PCSK7: variants seen among roughly 807,000 people sequenced by gnomAD.
PCSK7 encodes proprotein convertase subtilisin/kexin type 7.
A neutral mutation model predicts 73.3 loss-of-function variants in PCSK7; 38 were observed. The observed-to-expected ratio is 0.52, with a 90% CI of 0.40 to 0.68. PCSK7 has a LOEUF of 0.68. Among genes scored for constraint, PCSK7 ranks in the 30% least tolerant of loss-of-function variants. The pLI, the probability that PCSK7 is intolerant of heterozygous loss-of-function variation, is 0.00. For synonymous variants in PCSK7, 296 were observed against 383.8 expected, an observed-to-expected ratio of 0.77 and a Z score of 2.68; for missense variants, 692 against 991.5, an observed-to-expected ratio of 0.70 and a Z score of 4.06.
intron 12 of PCSK7, chr11:117,211,331 G>C (rs1171380336): frequency 6.6e-6 from 1 of 152,016 alleles, no homozygotes; most frequent in Non-Finnish European, 1.5e-5. Context: ...GGCTGGTCTC[G>C]AACTCCTGAC....
At chr11:117,227,432 T>G (rs982811957) in intron 4 of PCSK7, 110 bp from the exon 5 acceptor site, 1 of 819,600 alleles carries the variant, frequency 1.2e-6, no homozygotes, top group Non-Finnish European at 2.1e-6. Flanking sequence ...GCTAGGGCGA[T>G]AAGCTCATTT....
intron 3 of PCSK7, among the ~76,000 whole-genome samples, 159 bp from the exon 4 acceptor site, chr11:117,228,509 G>A (rs932611205): frequency 1.3e-5 from 2 of 152,154 alleles, no homozygotes; most frequent in African/African-American, 2.4e-5. Flanking sequence ...GGAGGAGCAG[G>A]TGAGAGCTCT....
At chr11:117,211,902 T>C (rs1480847550) in intron 12 of PCSK7, 2 of 152,250 alleles carry the variant, frequency 1.3e-5, no homozygotes, top group Non-Finnish European at 2.9e-5. Flanking sequence ...TTCATAGGTT[T>C]GAGACGAGGA....
intron 6 of PCSK7, chr11:117,225,584 G>T (rs566545608): frequency 1.6e-5 from 5 of 309,156 alleles, no homozygotes; most frequent in Non-Finnish European, 2.5e-5. Context: ...TGCCCTGAAG[G>T]TGCAGTGCAT....
chr11:117,218,560 T>C lies in PCSK7; in HGVS notation c.1440A>G (p.Thr480=), dbSNP rs1328307343. The change falls in exon 12 of 17, where the codon ACA becomes ACG. Residue 480 remains threonine, a synonymous_variant. Transcript: ENST00000320934. The surrounding 1 kb of genome is among the most constrained non-coding windows in gnomAD (Gnocchi z 4.0). ...WRLVNAAKIW[T]SVPYLASYVS... is the part of the protein sequence containing the mutation. The stretch of plus-strand genomic sequence containing the variant: ...CGTAGGATGCTAAGTAAGGGACAGA[T>C]GTCCAGATCTATGAAAGGAAAGGAG... The C allele has an allele frequency of 6.3e-7, 1 of 1,585,814 alleles. No individual in the cohort carries two copies. The highest frequency in any genetic ancestry group is 1.4e-5 in the African/African-American group (1 of 73,642).
chr11:117,229,730 C>T lies in PCSK7; in HGVS notation c.115G>A (p.Ala39Thr), dbSNP rs967828985. Residue 39 changes from alanine to threonine, a missense_variant, in exon 3 of 17, where the codon GCA (alanine) becomes ACA (threonine). By Grantham distance (58) the Ala-to-Thr change is moderately conservative. Around this residue, in one of 6 missense-constraint regions of PCSK7, gnomAD observed 574 missense variants for 689.8 expected, o/e 0.83. Transcript: ENST00000320934. Reference sequence around the variant, plus strand: ...TGGCCATCAGGCCCACCTGTCCCTGCCAGGCCCATGACCCAGGGAACCAGT... The same window carrying T: ...TGGCCATCAGGCCCACCTGTCCCTGTCAGGCCCATGACCCAGGGAACCAGT... ...FLLVPWVMGL[A>T]GTGGPDGQGT... 6.2e-7 allele frequency: 1 copy of T among 1,613,976 alleles called. No individual in the cohort carries two copies. Among genetic ancestry groups the T allele is most frequent in the African/African-American group, 1.3e-5 (1 of 75,070 alleles).
Position 117,226,000 on chromosome 11 carries a change from G to C in PCSK7, c.791C>G (p.Pro264Arg), listed in dbSNP as rs772550724. 6.2e-7 allele frequency: 1 copy of C among 1,608,060 alleles called. No homozygotes were observed. The highest frequency in any genetic ancestry group is 8.5e-7 in the Non-Finnish European group (1 of 1,174,472). Reference protein sequence around the residue: ...RIAGIRVLDGPLTDSMEAVAF... With the variant: ...RIAGIRVLDGRLTDSMEAVAF... Reference sequence around the variant, plus strand: ...CACTGCCTCCATGCTGTCTGTGAGAGGTCCATCCAGTACCCGGATACCTAG... The same window carrying C: ...CACTGCCTCCATGCTGTCTGTGAGACGTCCATCCAGTACCCGGATACCTAG... Residue 264 changes from proline (P) to arginine (R), a missense_variant, in exon 6 of 17, where the codon CCT becomes CGT. Pro to Arg is a moderately radical substitution (Grantham distance 103). Around this residue, in one of 6 missense-constraint regions of PCSK7, gnomAD observed 574 missense variants for 689.8 expected, o/e 0.83. Transcript: ENST00000320934.
intron 8 of PCSK7, 43 bp from the exon 9 acceptor site, chr11:117,223,351 G>T (rs765659411): frequency 3.3e-6 from 4 of 1,217,828 alleles, no homozygotes; most frequent in South Asian, 1.2e-5. Flanking sequence ...TGCAGAGGGG[G>T]TCCTGTGGCA....
At chr11:117,210,807 C>T (rs886708180) in intron 12 of PCSK7, 34 of 152,138 alleles carry the variant, frequency 2.2e-4, no homozygotes, top group African/African-American at 8.0e-4. Flanking sequence ...TAGTGGTAAG[C>T]ACCTGTGGTC....
At chr11:117,216,911 A>G (rs1022930257) in intron 12 of PCSK7, 1 of 152,238 alleles carries the variant, frequency 6.6e-6, no homozygotes, top group Non-Finnish European at 1.5e-5. Flanking sequence ...TCTGCATGTC[A>G]AAATTACTCA....
intron 6 of PCSK7, chr11:117,224,960 C>T (rs1006506713): frequency 8.6e-5 from 49 of 568,328 alleles, no homozygotes; most frequent in Admixed American, 3.3e-4. Flanking sequence ...TGTGCTAAGG[C>T]TCTTCTTTTC....
chr11:117,224,008 G>A, intron 8 of PCSK7, 70 bp downstream of exon 8: 1 of 1,483,992 alleles, frequency 6.7e-7, no homozygotes, highest in South Asian at 1.1e-5. Flanking sequence ...ACAGAAGCTA[G>A]GACAAGACGT....
chr11:117,223,164 T>C (rs1390544451), intron 9 of PCSK7, 44 bp downstream of exon 9: 7 of 1,133,962 alleles, frequency 6.2e-6, no homozygotes, highest in Admixed American at 5.0e-5. Flanking sequence ...ACGTGAAGTC[T>C]TGTGGGAAAG....
chr11:117,205,770 A>G lies in PCSK7; in HGVS notation c.*227T>C, dbSNP rs2031334865. On this transcript the variant is annotated 3_prime_UTR_variant, in exon 17 of 17. Coordinates refer to ENST00000320934, the MANE Select transcript of PCSK7 (RefSeq NM_004716.4). ...GGGGGGCGCCAATCCCCTGTCCAAC[A>G]CCTTCTCACCAAAAGCTCCCGTTTG... The G allele has an allele frequency of 4.6e-6, 2 of 435,076 alleles. No individual in the cohort carries two copies. The highest frequency in any genetic ancestry group is 8.2e-6 in the Non-Finnish European group (2 of 245,286). 27.0% of individuals were successfully genotyped at this position (435,076 alleles called of 1,614,324 possible).
Position 117,204,459 on chromosome 11 carries a change from C to A in PCSK7, c.*1538G>T. The A allele has an allele frequency of 6.4e-7, 1 of 1,564,358 alleles. No homozygotes were observed. The highest frequency in any genetic ancestry group is 8.7e-7 in the Non-Finnish European group (1 of 1,145,790). On this transcript the variant is annotated 3_prime_UTR_variant, in exon 17 of 17. Transcript: ENST00000320934. ...CCCACACCCGTGTGGTACCTTCAGCCCTGGCCAAGCTTTGAGGCTCTGTCA... is the reference window on the plus strand; with the variant it reads ...CCCACACCCGTGTGGTACCTTCAGCACTGGCCAAGCTTTGAGGCTCTGTCA...
chr11:117,219,360 T>G, intron 10 of PCSK7, 196 bp from the exon 11 acceptor site: 1 of 634,498 alleles, frequency 1.6e-6, no homozygotes, highest in Non-Finnish European at 2.7e-6. Context: ...GGCTTGCTTC[T>G]AGAGAAGGGG....
Position 117,206,233 on chromosome 11 carries a change from G to A in PCSK7, c.2122C>T (p.His708Tyr), listed in dbSNP as rs473131. 2.4e-5 allele frequency: 39 copies of A among 1,614,058 alleles called. No homozygotes were observed. Among genetic ancestry groups the A allele is most frequent in the Middle Eastern group, 1.6e-4 (1 of 6,062 alleles). The change falls in exon 17 of 17, where the codon CAT becomes TAT. Residue 708 changes from histidine (H) to tyrosine (Y), a missense_variant. This residue lies in a region of PCSK7 where 78 missense variants were observed against 102.6 expected (regional missense o/e 0.76). Coordinates refer to ENST00000320934, the MANE Select transcript of PCSK7 (RefSeq NM_004716.4). ...VCRSGPCHWPHRSRKAKEEGT... is the reference protein window; with the variant it reads ...VCRSGPCHWPYRSRKAKEEGT... ...TCCTCCTTGGCTTTCCGGCTCCGAT[G>A]GGGCCAGTGGCAGGGTCCACTCCTA...
In PCSK7 at chr11:117,225,088, G is replaced by A. The variant is rs181954775; in HGVS notation, c.861-333C>T. On this transcript the variant is annotated intron_variant, in intron 6 of 16. Coordinates refer to ENST00000320934, the MANE Select transcript of PCSK7 (RefSeq NM_004716.4). The stretch of plus-strand genomic sequence containing the variant: ...TTTTTTTTTTTTCTCCTGAAACGGC[G>A]TCTTCCTCTGTTGCCCAGGCTGAAG... 1.1e-3 allele frequency: 193 copies of A among 179,290 alleles called. 2 individuals carry two copies. Among genetic ancestry groups the A allele is most frequent in the Middle Eastern group, 6.9e-3 (3 of 432 alleles). 11.1% of individuals were successfully genotyped at this position (179,290 alleles called of 1,614,324 possible). A position where few individuals can be genotyped will look rare whatever the true frequency, so the allele number is the denominator to read the frequency against.
intron 12 of PCSK7, chr11:117,209,285 A>T (rs1167364045): frequency 2.3e-6 from 1 of 430,650 alleles, no homozygotes; most frequent in Non-Finnish European, 4.0e-6. Context: ...CAATATAAGA[A>T]TCCAGCAGAG....
Sources: allele counts gnomAD v4.1 joint callset (sites outside exome capture counted in the v4.1 genomes callset), GRCh38; gene constraint gnomAD v4.1.1; regional missense constraint gnomAD v4.1.1; non-coding constraint Gnocchi (gnomAD v3.1); transcripts MANE v1.5; gene names NCBI Gene and HGNC (gene_info 2026-07-23, HGNC 2026-07-21).